The following USP46 variants were observed in gnomAD, a reference collection of about 807,000 sequenced individuals.
The protein encoded by USP46 is ubiquitin specific peptidase 46, also known as ubiquitin carboxyl-terminal hydrolase 46.
Under a neutral mutation model 44.4 loss-of-function variants are expected in USP46, and 12 were observed. The observed-to-expected ratio is 0.27, with a 90% confidence interval of 0.17 to 0.44. USP46 has a LOEUF of 0.44. Ranked by LOEUF, USP46 falls within the 20% of genes least tolerant of loss-of-function variation. The pLI is 1.00. For synonymous variants in USP46, 155 were observed against 161.5 expected (o/e 0.96, Z 0.31); for missense variants, 248 against 444.8 (o/e 0.56, Z 3.98).
chr4:52,638,399 G>A (rs1275173907), intron 1 of USP46, among the ~76,000 whole-genome samples: 1 of 151,980 alleles, frequency 6.6e-6, no homozygotes, highest in Admixed American at 6.6e-5. Flanking sequence ...GTACAGCCCT[G>A]CTGCACCTGG....
At chr4:52,653,735 A>C (rs1718853654) in intron 1 of USP46, among the ~76,000 whole-genome samples, 1 of 152,136 alleles carries the variant, frequency 6.6e-6, no homozygotes, top group African/African-American at 2.4e-5. Context: ...GGTAAGCTAG[A>C]GATAGAGATA....
intron 1 of USP46, among the ~76,000 whole-genome samples, chr4:52,654,330 G>A (rs1718877887): frequency 6.6e-6 from 1 of 152,146 alleles, no homozygotes; most frequent in South Asian, 2.1e-4. Flanking sequence ...AACAGTAACA[G>A]AGGAAAAGGC....
intron 5 of USP46, among the ~76,000 whole-genome samples, chr4:52,607,747 T>A (rs1210372908): frequency 6.6e-6 from 1 of 152,098 alleles, no homozygotes; most frequent in Non-Finnish European, 1.5e-5. Context: ...TTTAAAAGTG[T>A]TTAGCCCCTC....
intron 3 of USP46, among the ~76,000 whole-genome samples, chr4:52,627,122 T>A (rs956332661): frequency 1.3e-5 from 2 of 152,242 alleles, no homozygotes; most frequent in African/African-American, 4.8e-5. Context: ...CAGAGATGAA[T>A]GCAGCTGTGA....
In USP46 at chr4:52,640,397, T is replaced by C. The variant is rs545176728; in HGVS notation, c.37-9253A>G. ...ATTTTTGAAAGAAGACTTGAGAGAT[T>C]ATAACAGTGGTCTTCAGCATCAGGG... is the stretch of plus-strand genomic sequence containing the variant. On this transcript the variant is annotated intron_variant, in intron 1 of 8. Transcript: ENST00000441222. Among the ~76,000 whole-genome samples the C allele has an allele frequency of 3.9e-5, 6 of 152,270 alleles. No individual in the cohort carries two copies. In the East Asian group the frequency reaches 9.6e-4, roughly 24 times the overall value.
intron 1 of USP46, among the ~76,000 whole-genome samples, chr4:52,635,978 A>G (rs1420785576): frequency 6.6e-6 from 1 of 152,126 alleles, no homozygotes; most frequent in African/African-American, 2.4e-5. Flanking sequence ...ATCGATGTAT[A>G]TAGGCAGAAT....
chr4:52,622,065 AT>A (rs1432365608), intron 4 of USP46, among the ~76,000 whole-genome samples: 1 of 152,228 alleles, frequency 6.6e-6, no homozygotes, highest in Non-Finnish European at 1.5e-5. Context: ...AACTAAGTAA[AT>A]GTCTAGAAAT....
intron 1 of USP46, among the ~76,000 whole-genome samples, chr4:52,657,106 A>C (rs1398262742): frequency 2.0e-5 from 3 of 151,570 alleles, no homozygotes; most frequent in African/African-American, 7.3e-5. Flanking sequence ...TAGAACCCAA[A>C]CTCTGTCACT....
rs1209917299 is a variant in USP46 at position 52,658,148 on chromosome 4, T to C, written c.36+967A>G. On this transcript the variant is annotated intron_variant, in intron 1 of 8. Coordinates refer to ENST00000441222, the MANE Select transcript of USP46 (RefSeq NM_022832.4). ...GGGAGGCGGGGTGCAGTCTAAAGAA[T>C]GTAGGCAAAACACACATCATCTCAC... is the stretch of plus-strand genomic sequence containing the variant. 6.6e-6 allele frequency: 3 copies of C among 452,770 alleles called. No homozygotes were observed. In the Admixed American group the frequency reaches 7.1e-5, roughly 11 times the overall value. The allele number at this position is 452,770 out of a possible 1,614,324, so 28.0% of individuals were successfully genotyped here. A position where few individuals can be genotyped will look rare whatever the true frequency, so the allele number is the denominator to read the frequency against.
At chr4:52,633,000 AAG>A (rs1560406311) in intron 1 of USP46, among the ~76,000 whole-genome samples, 1 of 124,680 alleles carries the variant, frequency 8.0e-6, no homozygotes, top group African/African-American at 3.5e-5. Flanking sequence ...AAAAGAAAGA[AAG>A]AAAGAAAGAA....
chr4:52,623,394 T>C (rs959633278), intron 4 of USP46, among the ~76,000 whole-genome samples: 1 of 152,162 alleles, frequency 6.6e-6, no homozygotes, highest in Non-Finnish European at 1.5e-5. Flanking sequence ...TTAAAATTCA[T>C]GAGTTCATCA....
intron 4 of USP46, among the ~76,000 whole-genome samples, chr4:52,622,927 G>T (rs1278742500): frequency 6.6e-6 from 1 of 152,202 alleles, no homozygotes; most frequent in Non-Finnish European, 1.5e-5. Context: ...TGACCCTGCA[G>T]AGACAGACAG....
intron 1 of USP46, among the ~76,000 whole-genome samples, chr4:52,633,331 A>G (rs1717987166): frequency 1.3e-5 from 2 of 152,228 alleles, no homozygotes; most frequent in African/African-American, 4.8e-5. Context: ...TGAGACTTAC[A>G]GTTCAAGGAT....
intron 1 of USP46, among the ~76,000 whole-genome samples, chr4:52,632,990 A>AAAGAAGGAAAAGAAAAG: frequency 9.1e-5 from 6 of 66,294 alleles, no homozygotes; most frequent in Non-Finnish European, 1.8e-4. Context: ...GAAAGAAAAG[A>AAAGAAGGAAAAGAAAAG]AAAGAAAGAA....
chr4:52,608,502 T>C (rs1006807811), intron 5 of USP46, among the ~76,000 whole-genome samples: 1 of 152,232 alleles, frequency 6.6e-6, no homozygotes, highest in Middle Eastern at 3.2e-3. Context: ...GCTGAGGAGA[T>C]GAATACATCT....
chr4:52,592,751 A>T lies in USP46; in HGVS notation c.*4889T>A. On this transcript the variant is annotated 3_prime_UTR_variant, in exon 9 of 9. Transcript: ENST00000441222. The stretch of plus-strand genomic sequence containing the variant: ...CTACTTGGGAGGCTGAGGCAGAAGA[A>T]TCGCTTGAACTCGGGAGGCAGAGGT... 2.5e-6 allele frequency: 1 copy of T among 397,216 alleles called. No homozygotes were observed. Among genetic ancestry groups the T allele is most frequent in the Admixed American group, 4.4e-5 (1 of 22,710 alleles). 24.6% of individuals were successfully genotyped at this position (397,216 alleles called of 1,614,324 possible). A position where few individuals can be genotyped will look rare whatever the true frequency, so the allele number is the denominator to read the frequency against.
intron 7 of USP46, among the ~76,000 whole-genome samples, chr4:52,599,802 C>G (rs1716389919): frequency 6.6e-6 from 1 of 152,140 alleles, no homozygotes; most frequent in South Asian, 2.1e-4. Flanking sequence ...TGTTCCTGCC[C>G]TTTCTCCAGC....
chr4:52,648,300 C>T lies in USP46; in HGVS notation c.36+10815G>A, dbSNP rs1718630193. Among the ~76,000 whole-genome samples the T allele has an allele frequency of 3.3e-5, 5 of 152,282 alleles. No individual in the cohort carries two copies. The South Asian group carries it at 1.0e-3, about 32-fold the overall frequency. On this transcript the variant is annotated intron_variant, in intron 1 of 8. Coordinates refer to ENST00000441222, the MANE Select transcript of USP46 (RefSeq NM_022832.4). ...AACCTCTTATCTGAGCCAATGTCAC[C>T]CAAACTATGGGCCATGAATCCTGGA...
chr4:52,621,032 T>G (rs1717354839), intron 4 of USP46, among the ~76,000 whole-genome samples: 1 of 152,224 alleles, frequency 6.6e-6, no homozygotes, highest in Admixed American at 6.5e-5. Flanking sequence ...CATATTTATA[T>G]GTATCAAAAT....
Sources: allele counts gnomAD v4.1 joint callset (sites outside exome capture counted in the v4.1 genomes callset), GRCh38; gene constraint gnomAD v4.1.1; transcripts MANE v1.5; gene names NCBI Gene and HGNC (gene_info 2026-07-23, HGNC 2026-07-21).